The following ANKFN1 variants were observed in gnomAD, a reference collection of about 807,000 sequenced individuals.
ANKFN1 encodes ankyrin repeat and fibronectin type III domain containing 1.
ANKFN1 carries 74 observed loss-of-function variants against 108.7 expected under a neutral mutation model. That is an observed-to-expected ratio of 0.68 (90% CI 0.56 to 0.83). ANKFN1 has a LOEUF of 0.83. ANKFN1 is among the 40% of genes least tolerant of loss of function. The probability of loss-of-function intolerance (pLI) is 0.00; values close to 1 mark genes in which losing one functional copy is unlikely to be tolerated. For missense variants in ANKFN1, 1,505 were observed against 1,382.3 expected, an observed-to-expected ratio of 1.09 and a Z score of -1.41; for synonymous variants, 547 against 516.2, an observed-to-expected ratio of 1.06 and a Z score of -0.81.
At chr17:56,278,256 G>T (rs1475625663) in intron 3 of ANKFN1, among the ~76,000 whole-genome samples, 1 of 152,064 alleles carries the variant, frequency 6.6e-6, no homozygotes, top group East Asian at 1.9e-4. Context: ...TACAATTCAG[G>T]TTCTGGCAAG....
At chr17:56,448,531 C>T (rs887998634) in intron 10 of ANKFN1, among the ~76,000 whole-genome samples, 1 of 152,182 alleles carries the variant, frequency 6.6e-6, no homozygotes, top group Non-Finnish European at 1.5e-5. Context: ...CCAAAGCAGA[C>T]ATTCATTAGA....
intron 4 of ANKFN1, among the ~76,000 whole-genome samples, chr17:56,117,212 G>T (rs1362631263): frequency 6.6e-6 from 1 of 152,156 alleles, no homozygotes; most frequent in Non-Finnish European, 1.5e-5. Flanking sequence ...AGAGCCTGAA[G>T]TGGGGCCAAG....
intron 4 of ANKFN1, among the ~76,000 whole-genome samples, chr17:56,147,310 C>T (rs979788890): frequency 3.3e-5 from 5 of 152,162 alleles, no homozygotes; most frequent in Non-Finnish European, 7.4e-5. Context: ...TTTGGGTATC[C>T]TTATAGCAGC....
intron 20 of ANKFN1, among the ~76,000 whole-genome samples, chr17:56,507,958 TCTGA>T (rs1425277822): frequency 1.3e-5 from 2 of 152,238 alleles, no homozygotes; most frequent in African/African-American, 2.4e-5. Flanking sequence ...TTATGTGTTT[TCTGA>T]CTTATTGTCT....
chr17:56,348,727 A>C (rs536806323), intron 4 of ANKFN1, among the ~76,000 whole-genome samples: 11 of 152,304 alleles, frequency 7.2e-5, no homozygotes, highest in Admixed American at 7.2e-4. Flanking sequence ...TATTACTAAA[A>C]AGTCAAAAAA....
intron 3 of ANKFN1, among the ~76,000 whole-genome samples, chr17:56,241,990 C>T (rs908330320): frequency 2.7e-5 from 4 of 146,718 alleles, no homozygotes; most frequent in Non-Finnish European, 1.5e-5. Context: ...CATCACCGTA[C>T]TCAGAATGGT....
At chr17:56,353,114 A>G (rs1337469108) in intron 5 of ANKFN1, among the ~76,000 whole-genome samples, 1 of 152,192 alleles carries the variant, frequency 6.6e-6, no homozygotes, top group Non-Finnish European at 1.5e-5. Context: ...AATAAAATAC[A>G]TGTTAAAATT....
At chr17:56,271,670 G>C (rs142209724) in intron 3 of ANKFN1, among the ~76,000 whole-genome samples, 46 of 152,264 alleles carry the variant, frequency 3.0e-4, no homozygotes, top group African/African-American at 9.4e-4. Context: ...TAAAACAGGT[G>C]ACTATAGAGG....
At chr17:56,303,256 G>T (rs981719181) in intron 3 of ANKFN1, among the ~76,000 whole-genome samples, 2 of 152,218 alleles carry the variant, frequency 1.3e-5, no homozygotes, top group Non-Finnish European at 2.9e-5. Flanking sequence ...AGTCATGAAA[G>T]TGTCCTTTTA....
intron 9 of ANKFN1, among the ~76,000 whole-genome samples, chr17:56,441,833 A>T (rs992428429): frequency 1.1e-4 from 17 of 152,178 alleles, no homozygotes; most frequent in Admixed American, 2.0e-4. Context: ...TTTCAACATT[A>T]AAACATTGAT....
intron 1 of ANKFN1, among the ~76,000 whole-genome samples, chr17:56,169,567 C>G (rs1910462529): frequency 6.6e-6 from 1 of 152,096 alleles, no homozygotes; most frequent in Non-Finnish European, 1.5e-5. Context: ...CGAAGCCCAG[C>G]CTTCTAATAT....
At chr17:56,341,708 CA>C (rs564132981) in intron 4 of ANKFN1, among the ~76,000 whole-genome samples, 222 of 151,718 alleles carry the variant, frequency 1.5e-3, no homozygotes, top group African/African-American at 5.0e-3. Flanking sequence ...TTTAGTTTGC[CA>C]GTATTTTGTT....
rs1316126510 is a variant in ANKFN1, at chr17:56,467,785, AAG to A, written c.1773+1216_1773+1217del. Among the ~76,000 whole-genome samples, 58 of 99,128 alleles carry A rather than the reference AAG, an allele frequency of 5.9e-4. 3 individuals are homozygous for A. Among genetic ancestry groups the A allele is most frequent in the African/African-American group, 4.3e-3 (58 of 13,528 alleles). The allele number at this position is 99,128 out of a possible 152,430, so 65.0% of individuals were successfully genotyped here. On this transcript the variant is annotated intron_variant, in intron 15 of 20. Transcript: ENST00000682825. ...AAAGAAAGAAAGAAAGAAAGAAAGAAAGAAAGAAGAAAGAAAGAAAGAAAGAA... is the reference window on the plus strand; with the variant it reads ...AAAGAAAGAAAGAAAGAAAGAAAGAAAAAGAAGAAAGAAAGAAAGAAAGAA...
chr17:56,106,766 G>A (rs1221013622), intron 4 of ANKFN1, among the ~76,000 whole-genome samples: 2 of 152,004 alleles, frequency 1.3e-5, no homozygotes, highest in African/African-American at 4.8e-5. Context: ...TTCTCCCTCT[G>A]GATTTTGCTG....
intron 14 of ANKFN1, among the ~76,000 whole-genome samples, chr17:56,466,034 G>A (rs2050061961): frequency 6.6e-6 from 1 of 152,180 alleles, no homozygotes; most frequent in Non-Finnish European, 1.5e-5. Flanking sequence ...GCTGGTAACT[G>A]AGGTTTATGT....
intron 3 of ANKFN1, among the ~76,000 whole-genome samples, chr17:56,232,036 A>G (rs1307049335): frequency 6.6e-6 from 1 of 152,070 alleles, no homozygotes; most frequent in Non-Finnish European, 1.5e-5. Context: ...ACTTTGGGTC[A>G]TTTGTGCTAG....
intron 1 of ANKFN1, among the ~76,000 whole-genome samples, chr17:56,173,039 G>C (rs1008608991): frequency 6.6e-5 from 10 of 152,208 alleles, no homozygotes; most frequent in African/African-American, 2.4e-4. Flanking sequence ...TTGTGAGTTG[G>C]CTTTCTCCAT....
intron 1 of ANKFN1, among the ~76,000 whole-genome samples, chr17:56,180,921 G>A (rs1355502046): frequency 2.0e-5 from 3 of 152,166 alleles, no homozygotes; most frequent in African/African-American, 7.2e-5. Flanking sequence ...AAGGAGTGCT[G>A]TTCTCTAAGC....
chr17:56,147,321 A>G (rs1343545741), intron 4 of ANKFN1, among the ~76,000 whole-genome samples: 4 of 152,110 alleles, frequency 2.6e-5, no homozygotes, highest in African/African-American at 9.7e-5. Context: ...TTATAGCAGC[A>G]CCTCACTCTA....
Sources: allele counts gnomAD v4.1 joint callset (sites outside exome capture counted in the v4.1 genomes callset), GRCh38; gene constraint gnomAD v4.1.1; transcripts MANE v1.5; gene names NCBI Gene and HGNC (gene_info 2026-07-23, HGNC 2026-07-21).